Variants in LDLRAD3 observed in about 807,000 individuals in gnomAD.
LDLRAD3 encodes low density lipoprotein receptor class A domain containing 3, also known as low-density lipoprotein receptor class A domain-containing protein 3.
LDLRAD3 carries 20 observed loss-of-function variants against 29.4 expected under a neutral mutation model. That is an observed-to-expected ratio of 0.68 (90% confidence interval 0.48 to 0.99). LDLRAD3 has a LOEUF of 0.99. Ranked by LOEUF, LDLRAD3 falls within the 50% of genes least tolerant of loss-of-function variation. LDLRAD3 has a pLI of 0.00. For missense variants in LDLRAD3, 420 were observed against 454.3 expected (o/e 0.92, Z 0.69); for synonymous variants, 157 against 192.7 (o/e 0.81, Z 1.53).
rs573932060 is a variant in LDLRAD3, at chr11:36,170,888, G to A, written c.455-56197G>A. ...GCGATCTTGGCTCACTGAAACCTCC[G>A]CCTCCTGAGTTGAAGCGATTCTCCT... is the stretch of plus-strand genomic sequence containing the variant. On this transcript the variant is annotated intron_variant, in intron 4 of 5. Transcript: ENST00000315571. Among the ~76,000 whole-genome samples, 35 of 150,390 alleles carry A rather than the reference G, an allele frequency of 2.3e-4. 1 individual carries two copies. Among genetic ancestry groups the A allele is most frequent in the African/African-American group, 6.6e-4 (27 of 40,904 alleles).
chr11:36,112,253 G>A (rs777299343), intron 4 of LDLRAD3, among the ~76,000 whole-genome samples: 11 of 152,128 alleles, frequency 7.2e-5, no homozygotes, highest in Non-Finnish European at 1.2e-4. Context: ...TTTTTGCAGA[G>A]CACATTGCTA....
At chr11:36,143,793 A>G (rs1854121756) in intron 4 of LDLRAD3, among the ~76,000 whole-genome samples, 1 of 151,972 alleles carries the variant, frequency 6.6e-6, no homozygotes, top group African/African-American at 2.4e-5. Flanking sequence ...TCTTCACATT[A>G]GATTAGAGCC....
chr11:36,116,454 A>C (rs890801213), intron 4 of LDLRAD3, among the ~76,000 whole-genome samples: 6 of 152,072 alleles, frequency 3.9e-5, no homozygotes, highest in Non-Finnish European at 8.8e-5. Flanking sequence ...GGATGCTCAT[A>C]AGGCGCTTCT....
intron 4 of LDLRAD3, among the ~76,000 whole-genome samples, chr11:36,132,056 A>ATT (rs112706497): frequency 0.14 from 19,915 of 146,584 alleles, 1,405 homozygotes; most frequent in East Asian, 0.23. Context: ...ATCAGCTGGG[A>ATT]TTTTTTTTTT....
intron 4 of LDLRAD3, chr11:36,109,988 A>G (rs758650862): frequency 2.6e-5 from 4 of 152,178 alleles, no homozygotes; most frequent in Non-Finnish European, 5.9e-5. Context: ...TTCCACTTTT[A>G]ATTTAGAGTT....
At position 36,161,940 on chromosome 11, in the gene LDLRAD3, G is replaced by A. The variant is rs1854445972; in HGVS notation, c.454+63479G>A. 2.0e-5 allele frequency among the ~76,000 whole-genome samples: 3 copies of A among 152,154 alleles called. 1 individual carries two copies. The South Asian group carries it at 6.2e-4, about 31-fold the overall frequency. On this transcript the variant is annotated intron_variant, in intron 4 of 5. Transcript: ENST00000315571. ...CTCTGAGAATGAGTTAACATCTATCGAGAGTTGTGCAGTCCGCAGACTTAG... is the reference window on the plus strand; with the variant it reads ...CTCTGAGAATGAGTTAACATCTATCAAGAGTTGTGCAGTCCGCAGACTTAG...
intron 4 of LDLRAD3, among the ~76,000 whole-genome samples, chr11:36,204,371 A>C (rs1590354052): frequency 1.3e-5 from 2 of 152,320 alleles, no homozygotes; most frequent in South Asian, 4.1e-4. Flanking sequence ...AAACGAGCCA[A>C]CCAGTGGCCA....
In LDLRAD3 at chr11:36,146,728, C is replaced by T. The variant is rs565768936; in HGVS notation, c.454+48267C>T. On this transcript the variant is annotated intron_variant, in intron 4 of 5. Transcript: ENST00000315571. ...TTCCGTCTTCACCTGGCATTCTCCC[C>T]GGAGTCCCAAGATTTCTTGTCTCTG... Among the ~76,000 whole-genome samples the T allele has an allele frequency of 5.8e-4, 84 of 145,470 alleles. 3 individuals carry two copies. The South Asian group carries it at 0.017, about 30-fold the overall frequency.
intron 2 of LDLRAD3, among the ~76,000 whole-genome samples, chr11:36,057,489 CTGCACCTGGCTTT>C (rs370684146): frequency 6.6e-6 from 1 of 152,330 alleles, no homozygotes; most frequent in East Asian, 1.9e-4. Context: ...CCTTGGCCCT[CTGCACCTGGCTTT>C]TGCATCCTCC....
At chr11:36,002,569 T>A (rs1482796484) in intron 1 of LDLRAD3, among the ~76,000 whole-genome samples, 1 of 152,192 alleles carries the variant, frequency 6.6e-6, no homozygotes, top group Non-Finnish European at 1.5e-5. Flanking sequence ...AACTCTGGCT[T>A]ATCTTACCAG....
At chr11:36,002,546 C>T (rs919346526) in intron 1 of LDLRAD3, among the ~76,000 whole-genome samples, 7 of 152,166 alleles carry the variant, frequency 4.6e-5, no homozygotes, top group East Asian at 1.9e-4. Flanking sequence ...CATCATCTCC[C>T]GGTGCTTTTT....
Position 35,950,248 on chromosome 11 carries a change from C to T in LDLRAD3, c.46+6104C>T, listed in dbSNP as rs116588050. ...TTGGACCTTGATGGGAACACAGAGCCGTGAAGATGTCACAGTGCCCAGGCA... is the reference window on the plus strand; with the variant it reads ...TTGGACCTTGATGGGAACACAGAGCTGTGAAGATGTCACAGTGCCCAGGCA... On this transcript the variant is annotated intron_variant, in intron 1 of 5. Transcript: ENST00000315571. Among the ~76,000 whole-genome samples the T allele has an allele frequency of 5.5e-3, 840 of 152,128 alleles. 6 individuals carry two copies. Among genetic ancestry groups the T allele is most frequent in the African/African-American group, 0.019 (803 of 41,492 alleles).
chr11:36,226,066 CAAAT>C lies in LDLRAD3; in HGVS notation c.455-992_455-989del, dbSNP rs3081279. Among the ~76,000 whole-genome samples, 147 of 148,040 alleles carry C rather than the reference CAAAT, an allele frequency of 9.9e-4. 3 individuals carry two copies. The South Asian group carries it at 0.012, about 12-fold the overall frequency. On this transcript the variant is annotated intron_variant, in intron 4 of 5. Transcript: ENST00000315571. ...TGGGTGACAGAGCGAGACCCTGTCT[CAAAT>C]AAATAAATAAATAAATAAATAAATA...
chr11:36,104,902 G>C (rs893766326), intron 4 of LDLRAD3, among the ~76,000 whole-genome samples: 9 of 152,154 alleles, frequency 5.9e-5, no homozygotes, highest in African/African-American at 1.9e-4. Flanking sequence ...GTGAGTTTAT[G>C]GGGGAGATTA....
At chr11:36,111,829 C>A (rs1853609798) in intron 4 of LDLRAD3, among the ~76,000 whole-genome samples, 1 of 152,158 alleles carries the variant, frequency 6.6e-6, no homozygotes, top group Non-Finnish European at 1.5e-5. Flanking sequence ...GGACTCTTGA[C>A]CTCGTGATCC....
intron 4 of LDLRAD3, among the ~76,000 whole-genome samples, chr11:36,119,864 T>C (rs560319590): frequency 2.0e-5 from 3 of 152,354 alleles, no homozygotes; most frequent in African/African-American, 4.8e-5. Flanking sequence ...TTGTTGTTAT[T>C]ATTGCTTGTG....
At chr11:36,187,672 T>C (rs1854872510) in intron 4 of LDLRAD3, among the ~76,000 whole-genome samples, 1 of 152,212 alleles carries the variant, frequency 6.6e-6, no homozygotes, top group African/African-American at 2.4e-5. Flanking sequence ...TCTTGGATTC[T>C]GGGTGTGTTT....
intron 4 of LDLRAD3, among the ~76,000 whole-genome samples, chr11:36,159,346 G>A (rs1854401269): frequency 6.6e-6 from 1 of 152,034 alleles, no homozygotes; most frequent in African/African-American, 2.4e-5. Context: ...GTGTTTGCCT[G>A]TAGTCCCAGC....
intron 1 of LDLRAD3, among the ~76,000 whole-genome samples, chr11:35,966,318 G>A (rs987757327): frequency 1.3e-5 from 2 of 152,130 alleles, no homozygotes; most frequent in Non-Finnish European, 2.9e-5. Context: ...CCAGCTCCTC[G>A]GGAGACTGAG....
Sources: allele counts gnomAD v4.1 joint callset (sites outside exome capture counted in the v4.1 genomes callset), GRCh38; gene constraint gnomAD v4.1.1; transcripts MANE v1.5; gene names NCBI Gene and HGNC (gene_info 2026-07-23, HGNC 2026-07-21).